Variants in PAPPA2 observed in about 807,000 individuals in gnomAD.
PAPPA2 encodes pappalysin 2, also known as pappalysin-2.
Under a neutral mutation model 176.4 loss-of-function variants are expected in PAPPA2, and 86 were observed. The observed-to-expected ratio is 0.49, with a 90% CI of 0.41 to 0.58. The LOEUF (loss-of-function observed/expected upper bound fraction) is 0.58. PAPPA2 is among the 20% of genes least tolerant of loss of function. The probability of loss-of-function intolerance (pLI) is 0.00; values close to 1 mark genes in which losing one functional copy is unlikely to be tolerated. For synonymous variants in PAPPA2, 809 were observed against 852.2 expected (o/e 0.95, Z 0.88); for missense variants, 2,073 against 2,256.9 (o/e 0.92, Z 1.65).
chr1:176,632,228 G>GGTGTGTGTGT (rs755065819), intron 3 of PAPPA2, among the ~76,000 whole-genome samples: 40 of 137,848 alleles, frequency 2.9e-4, no homozygotes, highest in Middle Eastern at 3.8e-3. Flanking sequence ...AATTAGTAGT[G>GGTGTGTGTGT]ATGTGTGTGT....
At chr1:176,700,837 T>C (rs1009277127) in intron 8 of PAPPA2, among the ~76,000 whole-genome samples, 2 of 152,164 alleles carry the variant, frequency 1.3e-5, no homozygotes, top group Non-Finnish European at 2.9e-5. Context: ...CTACCATAGC[T>C]ACAGAAAAAG....
chr1:176,654,277 A>G lies in PAPPA2; in HGVS notation c.1992-16693A>G, dbSNP rs1349014137. On this transcript the variant is annotated intron_variant, in intron 3 of 22. Transcript: ENST00000367662. ...CAATTTCATTCTTCTGCATATGGCA[A>G]TCCAACTTTCTAAGCAACATTTATT... is the stretch of plus-strand genomic sequence containing the variant. 2.0e-5 allele frequency among the ~76,000 whole-genome samples: 3 copies of G among 151,718 alleles called. No homozygotes were observed. In the East Asian group the frequency reaches 5.9e-4, roughly 30 times the overall value.
chr1:176,816,152 GTATATATATATATA>G (rs373739173), intron 21 of PAPPA2, among the ~76,000 whole-genome samples: 518 of 42,278 alleles, frequency 0.012, 10 homozygotes, highest in African/African-American at 0.036. Flanking sequence ...CTTTCACAGT[GTATATATATATATA>G]TATATATATA....
chr1:176,625,245 C>A (rs1319618328), intron 3 of PAPPA2, among the ~76,000 whole-genome samples: 1 of 152,106 alleles, frequency 6.6e-6, no homozygotes, highest in Non-Finnish European at 1.5e-5. Context: ...AACTTAGAAG[C>A]TGAAGAGGGA....
intron 1 of PAPPA2, among the ~76,000 whole-genome samples, chr1:176,526,822 C>T (rs1401003705): frequency 6.6e-6 from 1 of 152,208 alleles, no homozygotes. Flanking sequence ...TCAAGTCTCA[C>T]TTTCTGCCTA....
At chr1:176,599,445 G>T (rs894528717) in intron 3 of PAPPA2, among the ~76,000 whole-genome samples, 1 of 148,442 alleles carries the variant, frequency 6.7e-6, no homozygotes, top group African/African-American at 2.5e-5. Context: ...TCCTGGGGAT[G>T]AATCTACTGA....
intron 2 of PAPPA2, among the ~76,000 whole-genome samples, chr1:176,559,078 C>T (rs754759245): frequency 2.0e-5 from 3 of 152,144 alleles, no homozygotes; most frequent in Non-Finnish European, 4.4e-5. Flanking sequence ...CATCCCCACC[C>T]CAGGACGTCT....
In PAPPA2 at chr1:176,556,924, T is replaced by C. The variant is rs769585814; in HGVS notation, c.602T>C (p.Val201Ala). 6.2e-7 allele frequency: 1 copy of C among 1,613,756 alleles called. No homozygotes were observed. Among genetic ancestry groups the C allele is most frequent in the Non-Finnish European group, 8.5e-7 (1 of 1,179,960 alleles). ...GCCAAGTCCAGGCAGCGTCGCCAAG[T>C]GTGGAAGAGGCGGGCGGAAGATGGG... ...GWAKSRQRRQVWKRRAEDGQG... is the reference protein window; with the variant it reads ...GWAKSRQRRQAWKRRAEDGQG... Residue 201 changes from valine (V) to alanine (A), a missense_variant, in exon 2 of 23, where the codon GTG (valine) becomes GCG (alanine). Val to Ala is a moderately conservative substitution (Grantham distance 64, BLOSUM62 0). Coordinates refer to ENST00000367662, the MANE Select transcript of PAPPA2 (RefSeq NM_020318.3).
intron 1 of PAPPA2, among the ~76,000 whole-genome samples, chr1:176,533,317 G>C (rs1333262543): frequency 6.6e-6 from 1 of 152,200 alleles, no homozygotes; most frequent in Non-Finnish European, 1.5e-5. Flanking sequence ...ACATGGTTCT[G>C]CTTGAAATAT....
intron 17 of PAPPA2, among the ~76,000 whole-genome samples, chr1:176,787,084 A>G (rs1664969464): frequency 6.6e-6 from 1 of 152,190 alleles, no homozygotes; most frequent in African/African-American, 2.4e-5. Context: ...AAAGTTGGAA[A>G]GAAAAAAAAA....
chr1:176,495,213 C>T (rs1558401302), intron 1 of PAPPA2, among the ~76,000 whole-genome samples: 1 of 152,126 alleles, frequency 6.6e-6, no homozygotes, highest in East Asian at 1.9e-4. Flanking sequence ...CTTATCACAC[C>T]CTATCAGGTA....
At chr1:176,510,334 C>G (rs1395472231) in intron 1 of PAPPA2, among the ~76,000 whole-genome samples, 1 of 152,160 alleles carries the variant, frequency 6.6e-6, no homozygotes, top group African/African-American at 2.4e-5. Context: ...GACAATGTAA[C>G]ACCATCTTTA....
chr1:176,615,828 C>T (rs1655189928), intron 3 of PAPPA2, among the ~76,000 whole-genome samples: 1 of 152,078 alleles, frequency 6.6e-6, no homozygotes, highest in Non-Finnish European at 1.5e-5. Context: ...AGGAATAAAC[C>T]ACATAAGGTC....
At chr1:176,576,356 A>G (rs541870503) in intron 2 of PAPPA2, among the ~76,000 whole-genome samples, 24 of 152,212 alleles carry the variant, frequency 1.6e-4, no homozygotes, top group African/African-American at 5.3e-4. Flanking sequence ...GAGTTACCCC[A>G]TCAGTGTCTT....
At chr1:176,670,122 G>A (rs1658903107) in intron 3 of PAPPA2, among the ~76,000 whole-genome samples, 2 of 152,124 alleles carry the variant, frequency 1.3e-5, no homozygotes, top group South Asian at 2.1e-4. Flanking sequence ...GAACAGCAAG[G>A]CCCTGTTTGC....
chr1:176,479,199 C>T (rs1223052667), intron 1 of PAPPA2, among the ~76,000 whole-genome samples: 1 of 152,110 alleles, frequency 6.6e-6, no homozygotes, highest in Non-Finnish European at 1.5e-5. Flanking sequence ...TTTCCCAAGG[C>T]CACACAACTA....
chr1:176,731,307 T>G (rs1310425438), intron 12 of PAPPA2, among the ~76,000 whole-genome samples: 1 of 152,022 alleles, frequency 6.6e-6, no homozygotes, highest in African/African-American at 2.4e-5. Context: ...ACTGTAAATA[T>G]ATATAATTTT....
chr1:176,603,498 T>C (rs1434664933), intron 3 of PAPPA2, among the ~76,000 whole-genome samples: 1 of 152,160 alleles, frequency 6.6e-6, no homozygotes, highest in East Asian at 1.9e-4. Flanking sequence ...AGCACCAGCC[T>C]CTGGAGGAAG....
At chr1:176,663,744 T>A (rs1658475065) in intron 3 of PAPPA2, among the ~76,000 whole-genome samples, 1 of 152,136 alleles carries the variant, frequency 6.6e-6, no homozygotes, top group Non-Finnish European at 1.5e-5. Flanking sequence ...GAGGTGAGCC[T>A]AGAAACTAAG....
Sources: gnomAD v4.1 joint callset for allele counts (sites outside exome capture counted in the v4.1 genomes callset) on GRCh38, gnomAD v4.1.1 for gene constraint, MANE v1.5 for transcripts, NCBI Gene and HGNC (gene_info 2026-07-23, HGNC 2026-07-21) for gene names.